TEAD1: variants seen among roughly 807,000 people sequenced by gnomAD.
TEAD1 encodes the protein transcriptional enhancer factor TEF-1.
In TEAD1, 9 loss-of-function variants were observed where a neutral mutation model predicts 54.9. That is an observed-to-expected ratio of 0.16 (90% CI 0.10 to 0.29). The LOEUF is 0.29. Among genes scored for constraint, TEAD1 ranks in the 10% least tolerant of loss-of-function variants. The probability of loss-of-function intolerance (pLI) is 1.00; values close to 1 mark genes in which losing one functional copy is unlikely to be tolerated. For missense variants in TEAD1, 387 were observed against 535.9 expected, an observed-to-expected ratio of 0.72 and a Z score of 2.74; for synonymous variants, 200 against 187.8, an observed-to-expected ratio of 1.07 and a Z score of -0.53.
chr11:12,881,845 C>T (rs776027700), intron 7 of TEAD1, 51 bp from the exon 8 acceptor site: 1 of 1,596,002 alleles, frequency 6.3e-7, no homozygotes, highest in Non-Finnish European at 8.6e-7. Flanking sequence ...GGTAATAGCC[C>T]CTGCTGCAGA....
At chr11:12,864,573 C>A in intron 4 of TEAD1, 1 of 946,934 alleles carries the variant, frequency 1.1e-6, no homozygotes, top group Non-Finnish European at 1.5e-6. Flanking sequence ...CCAACCCCAC[C>A]CCAAAACCCT....
At position 12,937,251 on chromosome 11, in the gene TEAD1, G is replaced by A; in HGVS notation, c.*29G>A. The A allele has an allele frequency of 2.3e-5, 32 of 1,381,526 alleles. No homozygotes were observed. Among genetic ancestry groups the A allele is most frequent in the Non-Finnish European group, 3.2e-5 (31 of 972,460 alleles). 85.6% of individuals were successfully genotyped at this position (1,381,526 alleles called of 1,614,324 possible). A position where few individuals can be genotyped will look rare whatever the true frequency, so the allele number is the denominator to read the frequency against. On this transcript the variant is annotated 3_prime_UTR_variant, in exon 13 of 13. Coordinates refer to ENST00000527636, the MANE Select transcript of TEAD1 (RefSeq NM_021961.6). ...TGGTTATTTATATATATAGATATCT[G>A]TATATACACACACACATATGTGCAC...
intron 2 of TEAD1, among the ~76,000 whole-genome samples, chr11:12,750,903 A>G (rs1280668183): frequency 6.6e-6 from 1 of 152,180 alleles, no homozygotes; most frequent in African/African-American, 2.4e-5. Flanking sequence ...CAGGTGACAT[A>G]TTTATTCACC....
At chr11:12,929,052 C>G (rs1948959088) in intron 11 of TEAD1, among the ~76,000 whole-genome samples, 2 of 152,130 alleles carry the variant, frequency 1.3e-5, no homozygotes, top group Non-Finnish European at 2.9e-5. Context: ...GTGGTCATTT[C>G]CACAATGACT....
At chr11:12,921,606 C>T (rs1040472389) in intron 10 of TEAD1, among the ~76,000 whole-genome samples, 5 of 151,840 alleles carry the variant, frequency 3.3e-5, no homozygotes, top group Non-Finnish European at 5.9e-5. Flanking sequence ...AGCATTAATC[C>T]TGCCACCATA....
intron 10 of TEAD1, among the ~76,000 whole-genome samples, chr11:12,909,552 AGAG>A: frequency 6.6e-6 from 1 of 152,252 alleles, no homozygotes; most frequent in Admixed American, 6.5e-5. Context: ...GAGGGAACTT[AGAG>A]GACAGGTCAA....
At chr11:12,865,147 A>C (rs1947592044) in intron 5 of TEAD1, 1 of 549,594 alleles carries the variant, frequency 1.8e-6, no homozygotes. Context: ...TCCTAATAAC[A>C]ATGCAAATGC....
At chr11:12,776,783 TATTATTATTATTATTATC>T (rs1351991021) in intron 3 of TEAD1, among the ~76,000 whole-genome samples, 1,410 of 128,038 alleles carry the variant, frequency 0.011, 31 homozygotes, top group African/African-American at 0.06. Flanking sequence ...TTATTATTAT[TATTATTATTATTATTATC>T]ATTATTATTA....
chr11:12,932,303 G>A (rs1949025059), intron 12 of TEAD1, among the ~76,000 whole-genome samples: 1 of 152,162 alleles, frequency 6.6e-6, no homozygotes, highest in African/African-American at 2.4e-5. Context: ...AAGAATAGAT[G>A]CATCACTTTA....
At chr11:12,716,821 G>A (rs946926006) in intron 2 of TEAD1, among the ~76,000 whole-genome samples, 1 of 152,202 alleles carries the variant, frequency 6.6e-6, no homozygotes. Context: ...ACCAGATTTG[G>A]CCTGTGAGCC....
rs537390219 is a variant in TEAD1 at position 12,943,879 on chromosome 11, A to G, written c.*6657A>G. ...GATTTACTTCTGTAGGCCTTTTTCA[A>G]TAGGCTCATGACTGCAGACAAGGAA... is the stretch of plus-strand genomic sequence containing the variant. On this transcript the variant is annotated 3_prime_UTR_variant, in exon 13 of 13. Coordinates refer to ENST00000527636, the MANE Select transcript of TEAD1 (RefSeq NM_021961.6). 1.3e-5 allele frequency: 2 copies of G among 152,570 alleles called. No individual in the cohort carries two copies. The highest frequency in any genetic ancestry group is 2.1e-4 in the South Asian group (1 of 4,814). 9.5% of individuals were successfully genotyped at this position (152,570 alleles called of 1,614,324 possible). A position where few individuals can be genotyped will look rare whatever the true frequency, so the allele number is the denominator to read the frequency against.
intron 2 of TEAD1, among the ~76,000 whole-genome samples, chr11:12,679,602 T>C (rs1027543117): frequency 7.2e-5 from 11 of 152,206 alleles, no homozygotes; most frequent in African/African-American, 2.2e-4. Flanking sequence ...ATTGAACTTA[T>C]ATTCTCTGGC....
At chr11:12,819,393 C>A (rs10741604) in intron 3 of TEAD1, among the ~76,000 whole-genome samples, 55,085 of 151,802 alleles carry the variant, frequency 0.36, 10,833 homozygotes, top group South Asian at 0.62. Flanking sequence ...TTTAAACAGT[C>A]CATTTATGCC....
chr11:12,926,768 A>G (rs1948909800), intron 11 of TEAD1, among the ~76,000 whole-genome samples: 1 of 152,180 alleles, frequency 6.6e-6, no homozygotes, highest in Non-Finnish European at 1.5e-5. Flanking sequence ...ACAGAGGACA[A>G]AAATGAGTGG....
At chr11:12,936,886 A>T (rs1949110638) in intron 12 of TEAD1, among the ~76,000 whole-genome samples, 1 of 152,156 alleles carries the variant, frequency 6.6e-6, no homozygotes, top group Non-Finnish European at 1.5e-5. Context: ...ATTATGAGTG[A>T]CCCTATCTAG....
At chr11:12,699,494 A>T (rs537823719) in intron 2 of TEAD1, among the ~76,000 whole-genome samples, 4 of 152,154 alleles carry the variant, frequency 2.6e-5, no homozygotes, top group Non-Finnish European at 4.4e-5. Flanking sequence ...ACTTCAGAGC[A>T]TTTTTCAGTT....
intron 2 of TEAD1, among the ~76,000 whole-genome samples, chr11:12,763,625 T>C (rs1456233176): frequency 1.3e-5 from 2 of 152,244 alleles, no homozygotes; most frequent in African/African-American, 4.8e-5. Flanking sequence ...TGATCTCATA[T>C]TGGGATAGTG....
chr11:12,881,218 A>G (rs1036670997), intron 7 of TEAD1, among the ~76,000 whole-genome samples, 167 bp downstream of exon 7: 1 of 152,162 alleles, frequency 6.6e-6, no homozygotes, highest in Admixed American at 6.5e-5. Context: ...CCCTGGCAGG[A>G]AAGAGACTGG....
At chr11:12,786,109 C>T (rs1269223023) in intron 3 of TEAD1, among the ~76,000 whole-genome samples, 2 of 152,128 alleles carry the variant, frequency 1.3e-5, no homozygotes, top group Non-Finnish European at 2.9e-5. Context: ...TACTTGTCTC[C>T]CAGGTGTCCA....
Sources: gnomAD v4.1 joint callset for allele counts (sites outside exome capture counted in the v4.1 genomes callset) on GRCh38, gnomAD v4.1.1 for gene constraint, MANE v1.5 for transcripts, NCBI Gene and HGNC (gene_info 2026-07-23, HGNC 2026-07-21) for gene names.